NTN1: variants seen among roughly 807,000 people sequenced by gnomAD.
The protein encoded by NTN1 is netrin-1.
A neutral mutation model predicts 54.2 loss-of-function variants in NTN1; 11 were observed. That is an observed-to-expected ratio of 0.20 (90% CI 0.13 to 0.34). The LOEUF (loss-of-function observed/expected upper bound fraction) is 0.34, where lower values mean the gene tolerates loss of function less well. Ranked by LOEUF, NTN1 falls within the 10% of genes least tolerant of loss-of-function variation. The pLI, the probability that NTN1 is intolerant of heterozygous loss-of-function variation, is 1.00. For missense variants in NTN1, 740 were observed against 893.1 expected, an observed-to-expected ratio of 0.83 and a Z score of 2.18; for synonymous variants, 371 against 382.0, an observed-to-expected ratio of 0.97 and a Z score of 0.33.
intron 5 of NTN1, among the ~76,000 whole-genome samples, chr17:9,208,642 A>G (rs991131215): frequency 6.6e-6 from 1 of 152,218 alleles, no homozygotes; most frequent in Admixed American, 6.5e-5. Context: ...AAAGGCATTC[A>G]TGGCCTCCGG....
chr17:9,042,921 C>T (rs2091927330), intron 2 of NTN1, among the ~76,000 whole-genome samples: 1 of 152,046 alleles, frequency 6.6e-6, no homozygotes, highest in Non-Finnish European at 1.5e-5. Context: ...GTTTAAGTAA[C>T]ATGAGAAATA....
chr17:9,122,108 G>A (rs2092233364), intron 2 of NTN1, among the ~76,000 whole-genome samples: 1 of 151,656 alleles, frequency 6.6e-6, no homozygotes, highest in Non-Finnish European at 1.5e-5. Context: ...CGCAATCTCG[G>A]CTCACTGCAA....
chr17:9,066,371 G>A (rs1045954521), intron 2 of NTN1, among the ~76,000 whole-genome samples: 2 of 152,256 alleles, frequency 1.3e-5, no homozygotes, highest in Non-Finnish European at 2.9e-5. Context: ...GCTCACACCT[G>A]TAATCCCAGC....
In NTN1 at chr17:9,024,723, C is replaced by T. The variant is rs962230709; in HGVS notation, c.1018+1332C>T. ...CCTGGTCTGAAGACGCCGGGCCTCC[C>T]GCCTCCTGTTGCAAGGGAGGCCTCC... On this transcript the variant is annotated intron_variant, in intron 2 of 6. Coordinates refer to ENST00000173229, the MANE Select transcript of NTN1 (RefSeq NM_004822.3). 2.0e-5 allele frequency among the ~76,000 whole-genome samples: 3 copies of T among 152,206 alleles called. No homozygotes were observed. The South Asian group carries it at 6.2e-4, about 32-fold the overall frequency.
intron 2 of NTN1, among the ~76,000 whole-genome samples, chr17:9,067,753 G>A (rs554184249): frequency 6.6e-6 from 1 of 152,298 alleles, no homozygotes; most frequent in Admixed American, 6.5e-5. Context: ...AGTTCTTCCA[G>A]GCATCTCTGC....
the NTN1 span, among the ~76,000 whole-genome samples, chr17:9,012,962 G>A: frequency 6.6e-6 from 1 of 152,116 alleles, no homozygotes; most frequent in Non-Finnish European, 1.5e-5. Flanking sequence ...AAATCAGAAT[G>A]GGGGTGGGAT....
At chr17:9,162,540 C>G (rs1024345293) in intron 2 of NTN1, among the ~76,000 whole-genome samples, 2 of 152,240 alleles carry the variant, frequency 1.3e-5, no homozygotes, top group African/African-American at 4.8e-5. Flanking sequence ...AAGACTCTGT[C>G]TCCAAATATG....
intron 2 of NTN1, among the ~76,000 whole-genome samples, chr17:9,083,633 G>A (rs2092079954): frequency 6.6e-6 from 1 of 152,224 alleles, no homozygotes; most frequent in African/African-American, 2.4e-5. Flanking sequence ...GCTGTGGTGT[G>A]TGGATACGAA....
At chr17:9,119,863 A>G (rs1460776988) in intron 2 of NTN1, among the ~76,000 whole-genome samples, 3 of 151,944 alleles carry the variant, frequency 2.0e-5, no homozygotes, top group African/African-American at 7.3e-5. Context: ...TTTGGTTTGC[A>G]TTTCCCTGAT....
At chr17:9,093,889 A>G (rs2092121863) in intron 2 of NTN1, among the ~76,000 whole-genome samples, 1 of 152,008 alleles carries the variant, frequency 6.6e-6, no homozygotes, top group Admixed American at 6.6e-5. Flanking sequence ...CAGGAGAATC[A>G]CTTGAACTTG....
rs1411642297 is a variant in NTN1, at chr17:9,135,409, G to A, written c.1019-27404G>A. On this transcript the variant is annotated intron_variant, in intron 2 of 6. Coordinates refer to ENST00000173229, the MANE Select transcript of NTN1 (RefSeq NM_004822.3). This position sits in a 1 kb window ranked among gnomAD's most constrained non-coding sequence, Gnocchi z 4.4. ...GTTGTTCTCATGCACGGCTTCCTCT[G>A]GCCTCTGAGCCTTTGGACGTCCTTC... Among the ~76,000 whole-genome samples the A allele has an allele frequency of 1.3e-5, 2 of 152,146 alleles. No homozygotes were observed. Among genetic ancestry groups the A allele is most frequent in the Non-Finnish European group, 2.9e-5 (2 of 68,040 alleles).
chr17:9,057,153 C>G (rs1216399450), intron 2 of NTN1, among the ~76,000 whole-genome samples: 5 of 145,914 alleles, frequency 3.4e-5, no homozygotes, highest in African/African-American at 1.3e-4. Flanking sequence ...CCCCGCAGAG[C>G]CCTGTCCTCT....
intron 2 of NTN1, among the ~76,000 whole-genome samples, chr17:9,128,545 T>C (rs574946356): frequency 6.6e-6 from 1 of 152,328 alleles, no homozygotes; most frequent in African/African-American, 2.4e-5. Flanking sequence ...CTGGCCCTCA[T>C]CTTCTCCAGC....
At chr17:9,155,825 T>C in intron 2 of NTN1, among the ~76,000 whole-genome samples, 1 of 152,140 alleles carries the variant, frequency 6.6e-6, no homozygotes, top group East Asian at 1.9e-4. Flanking sequence ...CTGTGCATTG[T>C]AGGAAGTTTA....
At chr17:9,235,291 G>T (rs1400872702) in intron 6 of NTN1, among the ~76,000 whole-genome samples, 1 of 152,190 alleles carries the variant, frequency 6.6e-6, no homozygotes, top group Non-Finnish European at 1.5e-5. Context: ...AGGGCTGTCA[G>T]CACACTGCTC....
Position 9,022,296 on chromosome 17 carries a change from C to T in NTN1, c.-63-15C>T. ...CGGGGCGGGCTGGCTGAGCGCAGCT[C>T]CCTTCTCTCCGCAGGCGCCTTCTGC... On this transcript the variant is annotated splice_polypyrimidine_tract_variant and intron_variant, in intron 1 of 6. Transcript: ENST00000173229. 8.0e-7 allele frequency: 1 copy of T among 1,247,228 alleles called. No individual in the cohort carries two copies. The highest frequency in any genetic ancestry group is 1.0e-6 in the Non-Finnish European group (1 of 997,332). 77.3% of individuals were successfully genotyped at this position (1,247,228 alleles called of 1,614,324 possible).
At chr17:9,175,354 T>G (rs1226432890) in intron 3 of NTN1, 2 of 152,052 alleles carry the variant, frequency 1.3e-5, no homozygotes, top group Non-Finnish European at 2.9e-5. Context: ...ACCATGCAGG[T>G]GGGTGCTGGT....
intron 2 of NTN1, among the ~76,000 whole-genome samples, chr17:9,054,003 G>A (rs1327447819): frequency 6.6e-6 from 1 of 152,190 alleles, no homozygotes; most frequent in Non-Finnish European, 1.5e-5. Context: ...CCAGGGACTG[G>A]GTGGTCTCAC....
At chr17:9,117,463 G>A (rs975456467) in intron 2 of NTN1, among the ~76,000 whole-genome samples, 1 of 152,178 alleles carries the variant, frequency 6.6e-6, no homozygotes, top group African/African-American at 2.4e-5. Context: ...ACCTCAAGAA[G>A]CTTTCATGTG....
Sources: gnomAD v4.1 joint callset for allele counts (sites outside exome capture counted in the v4.1 genomes callset) on GRCh38, gnomAD v4.1.1 for gene constraint, Gnocchi (gnomAD v3.1) non-coding constraint, MANE v1.5 for transcripts, NCBI Gene and HGNC (gene_info 2026-07-23, HGNC 2026-07-21) for gene names.